The following SIM1 variants were observed in gnomAD, a reference collection of about 807,000 sequenced individuals.
The protein encoded by SIM1 is single-minded homolog 1.
A neutral mutation model predicts 78.2 loss-of-function variants in SIM1; 18 were observed. That is an observed-to-expected ratio of 0.23 (90% confidence interval 0.16 to 0.34). The LOEUF (loss-of-function observed/expected upper bound fraction) is 0.34, where lower values mean the gene tolerates loss of function less well. Ranked by LOEUF, SIM1 falls within the 10% of genes least tolerant of loss-of-function variation. The pLI, the probability that SIM1 is intolerant of heterozygous loss-of-function variation, is 1.00. For synonymous variants in SIM1, 417 were observed against 385.2 expected (o/e 1.08, Z -0.97); for missense variants, 939 against 975.1 (o/e 0.96, Z 0.49).
At chr6:100,456,688 C>T (rs1772673747) in intron 2 of SIM1, among the ~76,000 whole-genome samples, 1 of 152,220 alleles carries the variant, frequency 6.6e-6, no homozygotes, top group African/African-American at 2.4e-5. Context: ...CCCCCCTCTT[C>T]CCTTAAAGTC....
At chr6:100,461,427 G>T (rs915789589) in intron 2 of SIM1, among the ~76,000 whole-genome samples, 1 of 152,192 alleles carries the variant, frequency 6.6e-6, no homozygotes, top group Non-Finnish European at 1.5e-5. Flanking sequence ...CGGCCGGCTC[G>T]GTGCCCGCCC....
At chr6:100,448,754 C>T in intron 6 of SIM1, 76 bp from the exon 7 acceptor site, 1 of 1,331,654 alleles carries the variant, frequency 7.5e-7, no homozygotes, top group African/African-American at 1.4e-5. Context: ...GGGGTTGAAA[C>T]ATGTTGAAAC....
At chr6:100,461,809 CT>C (rs1772859896) in intron 2 of SIM1, among the ~76,000 whole-genome samples, 1 of 148,248 alleles carries the variant, frequency 6.7e-6, no homozygotes, top group Non-Finnish European at 1.5e-5. Context: ...ATAAGTTCCC[CT>C]TCTTTTTCTT....
At chr6:100,434,608 G>C (rs1466716884) in intron 9 of SIM1, among the ~76,000 whole-genome samples, 1 of 152,184 alleles carries the variant, frequency 6.6e-6, no homozygotes, top group Non-Finnish European at 1.5e-5. Flanking sequence ...CAGAACCAGG[G>C]ATTCTACCTT....
rs79109100 is a variant in SIM1, at chr6:100,389,362, A to G, written c.*999T>C. The G allele has an allele frequency of 1.7e-3, 607 of 365,500 alleles. 2 individuals are homozygous for G. Among genetic ancestry groups the G allele is most frequent in the African/African-American group, 0.012 (574 of 48,162 alleles). The allele number at this position is 365,500 out of a possible 1,614,324, so 22.6% of individuals were successfully genotyped here. On this transcript the variant is annotated 3_prime_UTR_variant, in exon 12 of 12. Coordinates refer to ENST00000369208, the MANE Select transcript of SIM1 (RefSeq NM_005068.3). ...CACATATGTGCTTTGAAACGTTTTC[A>G]AACACTTAACACTGCTGTCATGTGG... is the stretch of plus-strand genomic sequence containing the variant.
chr6:100,403,614 A>T (rs1183065802), intron 10 of SIM1, among the ~76,000 whole-genome samples: 1 of 152,244 alleles, frequency 6.6e-6, no homozygotes, highest in African/African-American at 2.4e-5. Context: ...ACCTGAATAG[A>T]GGGAAAAACA....
chr6:100,406,279 C>T (rs1317945068), intron 10 of SIM1, among the ~76,000 whole-genome samples: 1 of 152,180 alleles, frequency 6.6e-6, no homozygotes, highest in East Asian at 1.9e-4. Flanking sequence ...GACTCACTCT[C>T]TGATTTTTCA....
At chr6:100,420,697 T>TG in intron 10 of SIM1, 93 bp downstream of exon 10, 1 of 1,232,194 alleles carries the variant, frequency 8.1e-7, no homozygotes, top group Non-Finnish European at 1.2e-6. Context: ...TAAAACTAGA[T>TG]AATTCATTCC....
In SIM1 at chr6:100,412,683, A is replaced by AAAAGAAAGAAAGAAAG. The variant is rs373803181; in HGVS notation, c.1167+8091_1167+8106dup. 1.5e-3 allele frequency among the ~76,000 whole-genome samples: 114 copies of AAAAGAAAGAAAGAAAG among 77,102 alleles called. 2 individuals are homozygous for AAAAGAAAGAAAGAAAG. Among genetic ancestry groups the AAAAGAAAGAAAGAAAG allele is most frequent in the Admixed American group, 3.7e-3 (24 of 6,488 alleles). The allele number at this position is 77,102 out of a possible 152,430, so 50.6% of individuals were successfully genotyped here. ...AGAGAGAGAGAGAGAGAAAGAAAGA[A>AAAAGAAAGAAAGAAAG]AAAGAAAGAAAGAAAGAAAGAAAGA... On this transcript the variant is annotated intron_variant, in intron 10 of 11. Coordinates refer to ENST00000369208, the MANE Select transcript of SIM1 (RefSeq NM_005068.3).
chr6:100,413,574 G>C (rs1478195545), intron 10 of SIM1, among the ~76,000 whole-genome samples: 1 of 151,946 alleles, frequency 6.6e-6, no homozygotes, highest in Non-Finnish European at 1.5e-5. Flanking sequence ...TAATTTTTGT[G>C]AGATTTGTCA....
chr6:100,454,166 A>T (rs369127069), intron 2 of SIM1, among the ~76,000 whole-genome samples: 86 of 152,262 alleles, frequency 5.6e-4, no homozygotes, highest in Middle Eastern at 3.4e-3. Context: ...TAGGTTCACC[A>T]GTGTGTTTAC....
rs3830139 is a variant in SIM1 at position 100,448,413 on chromosome 6, T to G, written c.743+66A>C. 0.27 allele frequency: 407,398 copies of G among 1,518,488 alleles called. 56,680 individuals are homozygous for G. The highest frequency in any genetic ancestry group is 0.43 in the East Asian group (18,067 of 42,480). The allele number at this position is 1,518,488 out of a possible 1,614,324, so 94.1% of individuals were successfully genotyped here. ...AATGGGCTCATAGGATAGACGGAAA[T>G]CTCTCAGTCACTAAGCAGGGCCGCC... On this transcript the variant is annotated intron_variant, in intron 7 of 11. Transcript: ENST00000369208.
rs937173436 is a variant in SIM1 at position 100,448,156 on chromosome 6, C to A, written c.840G>T (p.Ala280=). The change falls in exon 8 of 12, where the codon GCG becomes GCT. Residue 280 remains alanine (A), a synonymous_variant. Coordinates refer to ENST00000369208, the MANE Select transcript of SIM1 (RefSeq NM_005068.3). The part of the protein sequence containing the change: ...HGCDTFHLRC[A]HHLLLVKGQV... ...AGGGTGGCGCCTTACGCAAATGGTGCGCGCAGCGCAGGTGGAAGGTGTCGC... is the reference window on the plus strand; with the variant it reads ...AGGGTGGCGCCTTACGCAAATGGTGAGCGCAGCGCAGGTGGAAGGTGTCGC... 8 of 1,612,492 alleles carry A rather than the reference C, an allele frequency of 5.0e-6. No individual in the cohort carries two copies. Among genetic ancestry groups the A allele is most frequent in the Non-Finnish European group, 6.8e-6 (8 of 1,179,466 alleles).
chr6:100,448,834 GGTGTCTTAAGAAA>G (rs947190185), intron 6 of SIM1, among the ~76,000 whole-genome samples, 156 bp from the exon 7 acceptor site: 1 of 152,140 alleles, frequency 6.6e-6, no homozygotes, highest in Non-Finnish European at 1.5e-5. Context: ...GGTGCTCTAA[GGTGTCTTAAGAAA>G]GTGACTGCAC....
intron 10 of SIM1, among the ~76,000 whole-genome samples, chr6:100,419,221 T>C (rs981071297): frequency 3.9e-5 from 6 of 152,120 alleles, no homozygotes; most frequent in African/African-American, 1.4e-4. Context: ...CTAAAATATA[T>C]ATTTTATAAG....
chr6:100,445,471 G>A (rs1332154369), intron 9 of SIM1, among the ~76,000 whole-genome samples: 1 of 152,012 alleles, frequency 6.6e-6, no homozygotes, highest in Non-Finnish European at 1.5e-5. Context: ...TTTTAAATGT[G>A]ATGTAAAGTT....
intron 11 of SIM1, among the ~76,000 whole-genome samples, chr6:100,393,058 T>G (rs1248403887): frequency 6.6e-6 from 1 of 152,132 alleles, no homozygotes; most frequent in African/African-American, 2.4e-5. Context: ...TGACTGTCCA[T>G]AAAACAAAGA....
rs1770603822 is a variant in SIM1, at chr6:100,390,319, T to C, written c.*42A>G. On this transcript the variant is annotated 3_prime_UTR_variant, in exon 12 of 12. Transcript: ENST00000369208. Reference sequence around the variant, plus strand: ...GTAATGGGGTATTAAACTATAAATATGTTTCAGAGATCCTTAAAGAACAAA... The same window carrying C: ...GTAATGGGGTATTAAACTATAAATACGTTTCAGAGATCCTTAAAGAACAAA... The C allele has an allele frequency of 1.9e-6, 3 of 1,575,052 alleles. No homozygotes were observed. The highest frequency in any genetic ancestry group is 2.6e-6 in the Non-Finnish European group (3 of 1,160,000).
intron 2 of SIM1, among the ~76,000 whole-genome samples, chr6:100,454,939 C>T (rs1772608882): frequency 6.6e-6 from 1 of 152,110 alleles, no homozygotes; most frequent in Admixed American, 6.5e-5. Flanking sequence ...ATCCTTTTAT[C>T]CTTACACCAT....
Sources: gnomAD v4.1 joint callset for allele counts (sites outside exome capture counted in the v4.1 genomes callset) on GRCh38, gnomAD v4.1.1 for gene constraint, MANE v1.5 for transcripts, NCBI Gene and HGNC (gene_info 2026-07-23, HGNC 2026-07-21) for gene names.